The following KHSRP variants were observed in gnomAD, a reference collection of about 807,000 sequenced individuals.
KHSRP encodes KH-type splicing regulatory protein, also known as far upstream element-binding protein 2.
KHSRP carries 13 observed loss-of-function variants against 94.9 expected under a neutral mutation model. That is an observed-to-expected ratio of 0.14 (90% CI 0.09 to 0.22). The LOEUF is 0.22. Ranked by LOEUF, KHSRP falls within the 10% of genes least tolerant of loss-of-function variation. The pLI, the probability that KHSRP is intolerant of heterozygous loss-of-function variation, is 1.00. For missense variants in KHSRP, 710 were observed against 1,010.0 expected (o/e 0.70, Z 4.03); for synonymous variants, 495 against 401.4 (o/e 1.23, Z -2.79).
intron 12 of KHSRP, 24 bp from the exon 13 acceptor site, chr19:6,416,906 G>A (rs772528256): frequency 1.1e-5 from 17 of 1,612,464 alleles, no homozygotes; most frequent in Middle Eastern, 1.6e-4. Flanking sequence ...GGAGGAGGAG[G>A]ATGATGAACC....
At position 6,420,459 on chromosome 19, in the gene KHSRP, T is replaced by C; in HGVS notation, c.438A>G (p.Thr146=). Residue 146 remains threonine (T), a synonymous_variant, in exon 5 of 19, where the codon ACA becomes ACG. Coordinates refer to ENST00000600480, the MANE Select transcript of KHSRP (RefSeq NM_001366299.1). Reference sequence around the variant, plus strand: ...TGCCGTCTGGGACCCTGTACTCTTCTGTCATTGAAGTCCTGTAAAGAGACA... The same window carrying C: ...TGCCGTCTGGGACCCTGTACTCTTCCGTCATTGAAGTCCTGTAAAGAGACA... The part of the protein sequence containing the change: ...PIHPPPRTSM[T]EEYRVPDGMV... The C allele has an allele frequency of 6.2e-7, 1 of 1,613,992 alleles. No individual in the cohort carries two copies. The highest frequency in any genetic ancestry group is 8.5e-7 in the Non-Finnish European group (1 of 1,179,866).
chr19:6,423,228 G>A (rs1386351892), intron 1 of KHSRP, among the ~76,000 whole-genome samples: 1 of 152,168 alleles, frequency 6.6e-6, no homozygotes, highest in Non-Finnish European at 1.5e-5. Context: ...GTGGTGTGCT[G>A]AGATCGTGCC....
chr19:6,420,561 T>C (rs968739267), intron 4 of KHSRP, 90 bp from the exon 5 acceptor site: 12 of 1,192,728 alleles, frequency 1.0e-5, no homozygotes, highest in African/African-American at 6.0e-5. Flanking sequence ...AAGGCCACCA[T>C]AGGTCTAAGC....
rs1398537570 is a variant in KHSRP at position 6,418,021 on chromosome 19, T to TC, written c.937dup (p.Asp313GlyfsTer4). 6.2e-7 allele frequency: 1 copy of TC among 1,613,584 alleles called. No homozygotes were observed. Among genetic ancestry groups the TC allele is most frequent in the Non-Finnish European group, 8.5e-7 (1 of 1,179,774 alleles). ...AATCCGAGATCCGTACTCATTCCGGTCCCCAAAGCCGCCTTGGTCACGTTC... is the reference window on the plus strand; with the variant it reads ...AATCCGAGATCCGTACTCATTCCGGTCCCCCAAAGCCGCCTTGGTCACGTTC... On this transcript the variant is annotated frameshift_variant, in exon 10 of 19. Transcript: ENST00000600480. LOFTEE classifies it high-confidence loss of function. This position sits in a 1 kb window ranked among gnomAD's most constrained non-coding sequence, Gnocchi z 4.3.
intron 18 of KHSRP, 39 bp from the exon 19 acceptor site, chr19:6,415,340 G>A: frequency 1.2e-6 from 2 of 1,613,022 alleles, no homozygotes; most frequent in South Asian, 1.1e-5. Context: ...CTGTGGGTGA[G>A]GGCTGCCCCT....
chr19:6,421,766 C>G, intron 2 of KHSRP, 78 bp from the exon 3 acceptor site: 1 of 1,536,754 alleles, frequency 6.5e-7, no homozygotes, highest in South Asian at 1.1e-5. Context: ...TGCCACATGT[C>G]CAAGGTAAAC....
At chr19:6,422,462 G>C (rs1245652694) in intron 1 of KHSRP, 26 bp from the exon 2 acceptor site, 2 of 1,566,442 alleles carry the variant, frequency 1.3e-6, no homozygotes, top group Admixed American at 1.7e-5. Flanking sequence ...AAGCACAGAA[G>C]AATTACCACC....
At chr19:6,421,476 G>A in intron 3 of KHSRP, 159 bp from the exon 4 acceptor site, 5 of 986,280 alleles carry the variant, frequency 5.1e-6, no homozygotes, top group Non-Finnish European at 6.2e-6. Flanking sequence ...AAAGCACAGA[G>A]CTCATCTCCC....
In KHSRP at chr19:6,424,406, C is replaced by A. The variant is rs866250243; in HGVS notation, c.249+47G>T. ...CACGTGACCCCCGCCCCCTCCCCCG[C>A]CTGCGCGCGCGCGCGAGCGCGCCCC... On this transcript the variant is annotated intron_variant, in intron 1 of 18. Transcript: ENST00000600480. 5.2e-6 allele frequency: 5 copies of A among 957,610 alleles called. No homozygotes were observed. In the East Asian group the frequency reaches 3.4e-4, roughly 65 times the overall value. The allele number at this position is 957,610 out of a possible 1,614,324, so 59.3% of individuals were successfully genotyped here.
In KHSRP at chr19:6,413,911, A is replaced by G. The variant is rs1283696766; in HGVS notation, c.*1113T>C. 1.8e-5 allele frequency: 9 copies of G among 507,776 alleles called. No individual in the cohort carries two copies. The highest frequency in any genetic ancestry group is 2.9e-5 in the Non-Finnish European group (9 of 314,660). 31.5% of individuals were successfully genotyped at this position (507,776 alleles called of 1,614,324 possible). On this transcript the variant is annotated 3_prime_UTR_variant, in exon 19 of 19. Coordinates refer to ENST00000600480, the MANE Select transcript of KHSRP (RefSeq NM_001366299.1). Reference sequence around the variant, plus strand: ...GAAGGATCCCAATTTTGAAAGAAAAAGCATGTGAGACACAGAACAGGCGAG... The same window carrying G: ...GAAGGATCCCAATTTTGAAAGAAAAGGCATGTGAGACACAGAACAGGCGAG...
chr19:6,416,769 G>A lies in KHSRP; in HGVS notation c.1296C>T (p.Pro432=). The A allele has an allele frequency of 1.9e-6, 3 of 1,594,004 alleles. No homozygotes were observed. The highest frequency in any genetic ancestry group is 2.6e-6 in the Non-Finnish European group (3 of 1,169,014). The change falls in exon 13 of 19, where the codon CCC becomes CCT. Residue 432 remains proline (P), a synonymous_variant. Transcript: ENST00000600480. ...PPGGEMTFSI[P]THKCGLVIGR... Reference sequence around the variant, plus strand: ...CGATGACCAGCCCACACTTGTGAGTGGGGATGGAGAAGGTCATCTCCCCGC... The same window carrying A: ...CGATGACCAGCCCACACTTGTGAGTAGGGATGGAGAAGGTCATCTCCCCGC...
At position 6,418,674 on chromosome 19, in the gene KHSRP, G is replaced by A. The variant is rs2092173010; in HGVS notation, c.780+28C>T. 8 of 1,613,712 alleles carry A rather than the reference G, an allele frequency of 5.0e-6. No homozygotes were observed. Among genetic ancestry groups the A allele is most frequent in the South Asian group, 1.1e-5 (1 of 91,080 alleles). On this transcript the variant is annotated intron_variant, in intron 8 of 18. Coordinates refer to ENST00000600480, the MANE Select transcript of KHSRP (RefSeq NM_001366299.1). The surrounding 1 kb of genome is among the most constrained non-coding windows in gnomAD (Gnocchi z 4.3). Reference sequence around the variant, plus strand: ...CGGTGGGGTGTGGCACACGGATGCAGAGGAAGCTGCCCAGGTGCTGCCCTC... The same window carrying A: ...CGGTGGGGTGTGGCACACGGATGCAAAGGAAGCTGCCCAGGTGCTGCCCTC...
At position 6,421,292 on chromosome 19, in the gene KHSRP, G is replaced by A. The variant is rs2092193584; in HGVS notation, c.411C>T (p.Ile137=). The A allele has an allele frequency of 1.3e-6, 2 of 1,590,778 alleles. No homozygotes were observed. Residue 137 remains isoleucine (I), a synonymous_variant, in exon 4 of 19, where the codon ATC becomes ATT. Coordinates refer to ENST00000600480, the MANE Select transcript of KHSRP (RefSeq NM_001366299.1). ...CCATGGCTTACCTTGGGGGAGGATGGATGGGTCCAAGTTGAGAACTGATTG... is the reference window on the plus strand; with the variant it reads ...CCATGGCTTACCTTGGGGGAGGATGAATGGGTCCAAGTTGAGAACTGATTG... ...GDSISSQLGP[I]HPPPRTSMTE...
chr19:6,415,352 C>CCCCTGT (rs2092135591), intron 18 of KHSRP, 28 bp downstream of exon 18: 2 of 1,611,566 alleles, frequency 1.2e-6, no homozygotes, highest in African/African-American at 1.3e-5. Context: ...GCTGCCCCTG[C>CCCCTGT]CCCTGTCCCC....
intron 1 of KHSRP, among the ~76,000 whole-genome samples, chr19:6,422,656 C>T (rs2145124988): frequency 6.6e-6 from 1 of 152,280 alleles, no homozygotes; most frequent in Non-Finnish European, 1.5e-5. Context: ...AAATTCCCCT[C>T]TTCCCTTCTC....
intron 16 of KHSRP, 25 bp from the exon 17 acceptor site, chr19:6,415,759 C>T (rs377190857): frequency 7.5e-5 from 116 of 1,551,334 alleles, no homozygotes; most frequent in Non-Finnish European, 8.7e-5. Flanking sequence ...TCGGGTGAGA[C>T]GGGGGGACAG....
rs144144696 is a variant in KHSRP at position 6,418,331 on chromosome 19, C to T, written c.879+152G>A. On this transcript the variant is annotated intron_variant, in intron 9 of 18. Coordinates refer to ENST00000600480, the MANE Select transcript of KHSRP (RefSeq NM_001366299.1). The surrounding 1 kb of genome is among the most constrained non-coding windows in gnomAD (Gnocchi z 4.3). Reference sequence around the variant, plus strand: ...ACAAAGCTGGGAGTCAGTTCAGGGCCATCCTACGAGCCAGCGCTCTTGCAA... The same window carrying T: ...ACAAAGCTGGGAGTCAGTTCAGGGCTATCCTACGAGCCAGCGCTCTTGCAA... 0.01 allele frequency among the ~76,000 whole-genome samples: 1,563 copies of T among 152,262 alleles called. 14 individuals carry two copies. Among genetic ancestry groups the T allele is most frequent in the South Asian group, 0.029 (141 of 4,826 alleles).
At chr19:6,416,236 T>G in intron 15 of KHSRP, 62 bp downstream of exon 15, 4 of 1,342,516 alleles carry the variant, frequency 3.0e-6, no homozygotes, top group Non-Finnish European at 4.1e-6. Context: ...TGGGGTCTGC[T>G]ATTCTTCTTG....
chr19:6,422,497 G>T, intron 1 of KHSRP, 61 bp from the exon 2 acceptor site: 1 of 1,251,200 alleles, frequency 8.0e-7, no homozygotes, highest in Non-Finnish European at 1.2e-6. Flanking sequence ...ATGGCACCCA[G>T]GTCAACTTCT....
Sources: allele counts gnomAD v4.1 joint callset (sites outside exome capture counted in the v4.1 genomes callset), GRCh38; gene constraint gnomAD v4.1.1; non-coding constraint Gnocchi (gnomAD v3.1); transcripts MANE v1.5; gene names NCBI Gene and HGNC (gene_info 2026-07-23, HGNC 2026-07-21).